Variants in ZNF567 observed in about 807,000 individuals in gnomAD.
ZNF567 encodes zinc finger protein 567.
ZNF567 carries 36 observed loss-of-function variants against 53.9 expected under a neutral mutation model. The observed-to-expected ratio is 0.67, with a 90% CI of 0.51 to 0.88. The LOEUF (loss-of-function observed/expected upper bound fraction) is 0.88, where lower values mean the gene tolerates loss of function less well. Ranked by LOEUF, ZNF567 falls within the 40% of genes least tolerant of loss-of-function variation. The probability of loss-of-function intolerance (pLI) is 0.00; values close to 1 mark genes in which losing one functional copy is unlikely to be tolerated. For synonymous variants in ZNF567, 224 were observed against 260.4 expected (o/e 0.86, Z 1.35); for missense variants, 619 against 764.7 (o/e 0.81, Z 2.25).
intron 5 of ZNF567, among the ~76,000 whole-genome samples, chr19:36,717,907 G>A (rs1305412471): frequency 6.6e-6 from 1 of 152,148 alleles, no homozygotes; most frequent in Non-Finnish European, 1.5e-5. Flanking sequence ...CTGAAAAGAG[G>A]ACTAGGCATG....
At chr19:36,701,571 T>G (rs1209823568) in intron 3 of ZNF567, among the ~76,000 whole-genome samples, 7 of 152,184 alleles carry the variant, frequency 4.6e-5, no homozygotes, top group African/African-American at 1.4e-4. Flanking sequence ...AGTCTCTTTC[T>G]AGGTCTCTAA....
the ZNF567 span, chr19:36,668,672 T>C: frequency 6.6e-6 from 1 of 152,236 alleles, no homozygotes; most frequent in Non-Finnish European, 1.5e-5. Flanking sequence ...GAGTGGAAGC[T>C]GGCACATGTT....
At chr19:36,679,655 A>G in the ZNF567 span, among the ~76,000 whole-genome samples, 1 of 152,236 alleles carries the variant, frequency 6.6e-6, no homozygotes, top group Non-Finnish European at 1.5e-5. Context: ...AGCCTTAAAC[A>G]TGAAATTCTG....
At chr19:36,724,935 T>C (rs1200876752), downstream of ZNF567, among the ~76,000 whole-genome samples, 1 of 152,000 alleles carries the variant, frequency 6.6e-6, no homozygotes, top group Non-Finnish European at 1.5e-5. Flanking sequence ...AATTAAAACC[T>C]TTTTTGTGGG....
At chr19:36,682,646 C>T (rs769838220), upstream of ZNF567, among the ~76,000 whole-genome samples, 4 of 149,672 alleles carry the variant, frequency 2.7e-5, no homozygotes, top group African/African-American at 4.9e-5. Flanking sequence ...CTCACTCTGC[C>T]GCCCAAGCTG....
intron 4 of ZNF567, 62 bp from the exon 5 acceptor site, chr19:36,712,719 C>A: frequency 6.5e-7 from 1 of 1,528,656 alleles, no homozygotes; most frequent in East Asian, 2.3e-5. Flanking sequence ...GAACATGCCC[C>A]TTTCCTCATT....
rs767374741 is a variant in ZNF567, at chr19:36,719,950, C to CA, written c.1226_1227insA (p.Val410CysfsTer15). 6.2e-7 allele frequency: 1 copy of CA among 1,613,824 alleles called. No homozygotes were observed. Among genetic ancestry groups the CA allele is most frequent in the South Asian group, 1.1e-5 (1 of 91,060 alleles). ...TCCTTTCACCAGAAGGCAAATCTTACTGTACATCAGAGAACTCATACAGGG... is the reference window on the plus strand; with the variant it reads ...TCCTTTCACCAGAAGGCAAATCTTACATGTACATCAGAGAACTCATACAGGG... On this transcript the variant is annotated frameshift_variant, in exon 6 of 6. Transcript: ENST00000682579. LOFTEE classifies it high-confidence loss of function.
intron 5 of ZNF567, chr19:36,714,642 TAACAC>T (rs1325409555): frequency 5.2e-6 from 2 of 381,730 alleles, no homozygotes; most frequent in African/African-American, 2.1e-5. Flanking sequence ...AGAACTCACT[TAACAC>T]AACCCAGGTT....
chr19:36,694,824 G>C lies in ZNF567; in HGVS notation c.-44G>C, dbSNP rs1282885452. On this transcript the variant is annotated 5_prime_UTR_variant, in exon 3 of 6. Coordinates refer to ENST00000682579, the MANE Select transcript of ZNF567 (RefSeq NM_001322917.1). The stretch of plus-strand genomic sequence containing the variant: ...TAGGAACTGCCTCTTTTCTAAAGAG[G>C]ACTCCAAAGGAAGGACTGGTCATCT... 1 of 1,513,402 alleles carries C rather than the reference G, an allele frequency of 6.6e-7. No individual in the cohort carries two copies. Among genetic ancestry groups the C allele is most frequent in the East Asian group, 2.5e-5 (1 of 40,580 alleles). 93.7% of individuals were successfully genotyped at this position (1,513,402 alleles called of 1,614,324 possible). A position where few individuals can be genotyped will look rare whatever the true frequency, so the allele number is the denominator to read the frequency against.
At chr19:36,725,474 A>G (rs2040331968), downstream of ZNF567, among the ~76,000 whole-genome samples, 1 of 152,180 alleles carries the variant, frequency 6.6e-6, no homozygotes, top group South Asian at 2.1e-4. Flanking sequence ...AAGTGCTGGG[A>G]TCACAGGTGT....
chr19:36,725,761 A>C (rs979335447), downstream of ZNF567, among the ~76,000 whole-genome samples: 14 of 151,924 alleles, frequency 9.2e-5, no homozygotes, highest in Non-Finnish European at 1.9e-4. Context: ...CGATCCTCCC[A>C]CCTCAGCTTC....
At chr19:36,691,776 C>T (rs2038626288) in intron 2 of ZNF567, among the ~76,000 whole-genome samples, 1 of 152,162 alleles carries the variant, frequency 6.6e-6, no homozygotes, top group South Asian at 2.1e-4. Context: ...TAAACTGTAG[C>T]TGGGACTACA....
chr19:36,678,453 A>G, the ZNF567 span, among the ~76,000 whole-genome samples: 2 of 152,232 alleles, frequency 1.3e-5, no homozygotes, highest in African/African-American at 4.8e-5. Flanking sequence ...GGATGAAGAG[A>G]CAACCCAAAG....
chr19:36,710,023 T>C (rs1427295565), intron 3 of ZNF567, among the ~76,000 whole-genome samples: 2 of 152,152 alleles, frequency 1.3e-5, no homozygotes, highest in Non-Finnish European at 2.9e-5. Flanking sequence ...ATAAAATTTA[T>C]TTATGCCCTT....
At chr19:36,695,202 T>C (rs1477168603) in intron 3 of ZNF567, among the ~76,000 whole-genome samples, 2 of 148,722 alleles carry the variant, frequency 1.3e-5, no homozygotes, top group African/African-American at 5.0e-5. Context: ...CTGGGCAACA[T>C]AGAGAGATCC....
chr19:36,712,012 T>A (rs1335744415), intron 3 of ZNF567: 1 of 159,774 alleles, frequency 6.3e-6, no homozygotes, highest in East Asian at 1.9e-4. Flanking sequence ...GGAAGCAGGG[T>A]CAAAAGTAGT....
intron 2 of ZNF567, among the ~76,000 whole-genome samples, chr19:36,689,898 T>C (rs2038508172): frequency 2.0e-5 from 3 of 152,166 alleles, no homozygotes; most frequent in Admixed American, 2.0e-4. Flanking sequence ...AACACTGTTC[T>C]AAAAATAACA....
At chr19:36,716,353 T>A (rs1050413873) in intron 5 of ZNF567, among the ~76,000 whole-genome samples, 1 of 152,236 alleles carries the variant, frequency 6.6e-6, no homozygotes, top group Non-Finnish European at 1.5e-5. Context: ...CTGTGAAATC[T>A]TCCTTGATTA....
downstream of ZNF567, among the ~76,000 whole-genome samples, chr19:36,726,374 A>G (rs1470153721): frequency 6.6e-6 from 1 of 151,970 alleles, no homozygotes; most frequent in Non-Finnish European, 1.5e-5. Context: ...ATCTTATTTA[A>G]ACCTGTTTTA....
Sources: allele counts gnomAD v4.1 joint callset (sites outside exome capture counted in the v4.1 genomes callset), GRCh38; gene constraint gnomAD v4.1.1; transcripts MANE v1.5; gene names NCBI Gene and HGNC (gene_info 2026-07-23, HGNC 2026-07-21).